The following PLEKHG1 variants were observed in gnomAD, a reference collection of about 807,000 sequenced individuals.
PLEKHG1 encodes the protein pleckstrin homology and RhoGEF domain containing G1, also known as pleckstrin homology domain-containing family G member 1.
PLEKHG1 carries 44 observed loss-of-function variants against 100.8 expected under a neutral mutation model. The ratio of observed to expected loss-of-function variants is 0.44; its 90% CI spans 0.34 to 0.56. The LOEUF (loss-of-function observed/expected upper bound fraction) is 0.56, where lower values mean the gene tolerates loss of function less well. PLEKHG1 is among the 20% of genes least tolerant of loss of function. PLEKHG1 has a pLI of 0.01. For missense variants in PLEKHG1, 1,545 were observed against 1,720.9 expected (o/e 0.90, Z 1.81); for synonymous variants, 640 against 662.5 (o/e 0.97, Z 0.52).
chr6:150,724,134 T>C (rs995777407), intron 1 of PLEKHG1, among the ~76,000 whole-genome samples: 1 of 152,238 alleles, frequency 6.6e-6, no homozygotes, highest in African/African-American at 2.4e-5. Flanking sequence ...TGCCATACCC[T>C]AGGGCACTGG....
chr6:150,716,075 T>C (rs1405097679), intron 3 of PLEKHG1, among the ~76,000 whole-genome samples: 1 of 142,810 alleles, frequency 7.0e-6, no homozygotes, highest in Admixed American at 7.1e-5. Context: ...GCCACTGCAC[T>C]CCAGCCTGGG....
chr6:150,714,265 C>CT (rs1227566433), intron 3 of PLEKHG1, among the ~76,000 whole-genome samples: 1 of 152,140 alleles, frequency 6.6e-6, no homozygotes. Context: ...TGCTTGATAT[C>CT]TAAAAATTGT....
At chr6:150,651,649 A>G (rs1778741382) in intron 3 of PLEKHG1, among the ~76,000 whole-genome samples, 1 of 150,878 alleles carries the variant, frequency 6.6e-6, no homozygotes, top group Non-Finnish European at 1.5e-5. Context: ...ACTTGCGATG[A>G]GGAGTTCGAG....
intron 4 of PLEKHG1, among the ~76,000 whole-genome samples, chr6:150,790,199 A>T (rs938584521): frequency 1.3e-5 from 2 of 151,566 alleles, no homozygotes; most frequent in African/African-American, 2.4e-5. Flanking sequence ...TTTTGTATTT[A>T]TTTTTTTAGT....
At chr6:150,833,011 A>G (rs543980458) in intron 15 of PLEKHG1, among the ~76,000 whole-genome samples, 8 of 148,922 alleles carry the variant, frequency 5.4e-5, no homozygotes, top group South Asian at 2.1e-4. Context: ...CTATAAATCA[A>G]TGGTTTTCTC....
At chr6:150,689,313 T>C (rs1780255689) in intron 3 of PLEKHG1, among the ~76,000 whole-genome samples, 1 of 152,184 alleles carries the variant, frequency 6.6e-6, no homozygotes, top group Non-Finnish European at 1.5e-5. Context: ...GGTCATGAAA[T>C]CCTTTAAGTA....
chr6:150,698,932 T>C (rs1404464313), intron 3 of PLEKHG1, among the ~76,000 whole-genome samples: 1 of 152,272 alleles, frequency 6.6e-6, no homozygotes, highest in African/African-American at 2.4e-5. Flanking sequence ...ATGCATTTGC[T>C]TAATATGTAT....
chr6:150,695,272 C>G (rs73608713), intron 3 of PLEKHG1, among the ~76,000 whole-genome samples: 7,054 of 152,232 alleles, frequency 0.046, 545 homozygotes, highest in African/African-American at 0.16. Flanking sequence ...TTTGCAAATA[C>G]AATTTTTCAT....
At chr6:150,806,662 CA>C (rs4036093) in intron 7 of PLEKHG1, among the ~76,000 whole-genome samples, 82,286 of 132,432 alleles carry the variant, frequency 0.62, 24,469 homozygotes, top group East Asian at 0.91. Context: ...GAGACTGTCT[CA>C]AAAAAAAAAA....
intron 7 of PLEKHG1, among the ~76,000 whole-genome samples, chr6:150,805,210 C>T (rs562777534): frequency 6.6e-6 from 1 of 152,332 alleles, no homozygotes; most frequent in South Asian, 2.1e-4. Flanking sequence ...GCTGGGATTA[C>T]AGGCATGAGC....
At chr6:150,637,622 C>T (rs541867761) in intron 1 of PLEKHG1, among the ~76,000 whole-genome samples, 1 of 152,086 alleles carries the variant, frequency 6.6e-6, no homozygotes, top group Non-Finnish European at 1.5e-5. Flanking sequence ...TACCTACAAT[C>T]TAGTGTAGCC....
intron 2 of PLEKHG1, among the ~76,000 whole-genome samples, chr6:150,736,086 G>A (rs372522919): frequency 6.6e-6 from 1 of 152,158 alleles, no homozygotes; most frequent in Non-Finnish European, 1.5e-5. Flanking sequence ...GGCCTTATGG[G>A]GCCTAAGGTC....
intron 3 of PLEKHG1, among the ~76,000 whole-genome samples, chr6:150,698,499 T>TACACACAC (rs3072714): frequency 2.2e-4 from 33 of 151,902 alleles, no homozygotes; most frequent in African/African-American, 4.1e-4. Flanking sequence ...ATACTATATA[T>TACACACAC]ACACACACAC....
intron 10 of PLEKHG1, among the ~76,000 whole-genome samples, chr6:150,814,637 C>A (rs995047864): frequency 6.8e-6 from 1 of 148,072 alleles, no homozygotes; most frequent in Non-Finnish European, 1.5e-5. Flanking sequence ...CATGACCAAG[C>A]CTGGATTGGT....
chr6:150,709,233 G>T (rs769703576), intron 3 of PLEKHG1, among the ~76,000 whole-genome samples: 1 of 152,176 alleles, frequency 6.6e-6, no homozygotes, highest in Non-Finnish European at 1.5e-5. Context: ...ACTTAAGGAG[G>T]CTGAGGCAGG....
intron 3 of PLEKHG1, among the ~76,000 whole-genome samples, chr6:150,690,004 A>G (rs902438945): frequency 6.6e-6 from 1 of 152,178 alleles, no homozygotes; most frequent in Admixed American, 6.5e-5. Context: ...TAAATATAAA[A>G]TGGCCATGTG....
At chr6:150,753,688 C>T (rs957515174) in intron 2 of PLEKHG1, among the ~76,000 whole-genome samples, 1 of 152,116 alleles carries the variant, frequency 6.6e-6, no homozygotes, top group Non-Finnish European at 1.5e-5. Context: ...ATTAGAGAAG[C>T]GTTTCTTGTG....
intron 2 of PLEKHG1, among the ~76,000 whole-genome samples, chr6:150,736,207 G>A (rs751432510): frequency 3.9e-5 from 6 of 152,244 alleles, no homozygotes; most frequent in East Asian, 1.9e-4. Context: ...TTGACCCAAC[G>A]GCCACAGTTT....
At chr6:150,623,143 C>A (rs570335074) in intron 1 of PLEKHG1, among the ~76,000 whole-genome samples, 1 of 152,242 alleles carries the variant, frequency 6.6e-6, no homozygotes, top group Non-Finnish European at 1.5e-5. Flanking sequence ...CTTCTCCCTA[C>A]CCCAGGCCTC....
Sources: gnomAD v4.1 joint callset for allele counts (sites outside exome capture counted in the v4.1 genomes callset) on GRCh38, gnomAD v4.1.1 for gene constraint, MANE v1.5 for transcripts, NCBI Gene and HGNC (gene_info 2026-07-23, HGNC 2026-07-21) for gene names.